Variants in KCNIP4 observed in about 807,000 individuals in gnomAD.
The protein encoded by KCNIP4 is Kv channel-interacting protein 4.
KCNIP4 carries 12 observed loss-of-function variants against 34.0 expected under a neutral mutation model. The observed-to-expected ratio is 0.35, with a 90% CI of 0.23 to 0.57. The LOEUF (loss-of-function observed/expected upper bound fraction) is 0.57, where lower values mean the gene tolerates loss of function less well. KCNIP4 is among the 20% of genes least tolerant of loss of function. KCNIP4 has a pLI of 0.83. For missense variants in KCNIP4, 238 were observed against 311.7 expected (o/e 0.76, Z 1.78); for synonymous variants, 124 against 102.2 (o/e 1.21, Z -1.29).
chr4:20,936,702 G>A (rs2149610696), intron 1 of KCNIP4, among the ~76,000 whole-genome samples: 1 of 151,630 alleles, frequency 6.6e-6, no homozygotes, highest in South Asian at 2.1e-4. Flanking sequence ...TCTGTATCCT[G>A]AGCTCATCCA....
intron 1 of KCNIP4, among the ~76,000 whole-genome samples, chr4:21,044,472 C>T (rs548423088): frequency 2.6e-5 from 4 of 152,096 alleles, no homozygotes; most frequent in East Asian, 1.9e-4. Flanking sequence ...CCACCATGCC[C>T]GGCTAATTTT....
chr4:21,618,538 T>C (rs1473321210), intron 1 of KCNIP4, among the ~76,000 whole-genome samples: 2 of 151,652 alleles, frequency 1.3e-5, no homozygotes, highest in African/African-American at 2.4e-5. Flanking sequence ...GCATTCTCTC[T>C]TTCTCCTTCT....
intron 1 of KCNIP4, among the ~76,000 whole-genome samples, chr4:21,765,442 A>C (rs1481941135): frequency 1.3e-5 from 2 of 152,106 alleles, no homozygotes; most frequent in East Asian, 3.9e-4. Flanking sequence ...GTTGCTTAAC[A>C]AAAACTGTTT....
chr4:20,863,077 A>G (rs1722384293), intron 2 of KCNIP4, among the ~76,000 whole-genome samples: 1 of 152,116 alleles, frequency 6.6e-6, no homozygotes, highest in Non-Finnish European at 1.5e-5. Flanking sequence ...GACAGAGCCA[A>G]TTTATCAAGA....
intron 1 of KCNIP4, among the ~76,000 whole-genome samples, chr4:21,145,473 G>A (rs1277054333): frequency 6.6e-6 from 1 of 152,134 alleles, no homozygotes; most frequent in Non-Finnish European, 1.5e-5. Flanking sequence ...ACTGACCTAT[G>A]AATTACAAAT....
At chr4:21,048,530 T>C (rs1296680341) in intron 1 of KCNIP4, among the ~76,000 whole-genome samples, 1 of 152,152 alleles carries the variant, frequency 6.6e-6, no homozygotes, top group East Asian at 1.9e-4. Context: ...CTCTCCCCTC[T>C]CTCCCTTCAC....
intron 1 of KCNIP4, among the ~76,000 whole-genome samples, chr4:21,929,371 G>A (rs187896972): frequency 6.6e-6 from 1 of 152,186 alleles, no homozygotes; most frequent in East Asian, 1.9e-4. Context: ...CTAGCAATTT[G>A]GGGCAGGAAT....
In KCNIP4 at chr4:21,925,844, A is replaced by G. The variant is rs550150946; in HGVS notation, c.61+22727T>C. 3.0e-4 allele frequency among the ~76,000 whole-genome samples: 45 copies of G among 152,280 alleles called. 1 individual carries two copies. The highest frequency in any genetic ancestry group is 2.9e-3 in the Admixed American group (44 of 15,284). On this transcript the variant is annotated intron_variant, in intron 1 of 8. Coordinates refer to ENST00000382152, the MANE Select transcript of KCNIP4 (RefSeq NM_025221.6). The stretch of plus-strand genomic sequence containing the variant: ...AATTCCAGTGTCTGGCATATAATTC[A>G]TACTCAAGAAATTTGTTGAATTAAT...
chr4:21,241,241 A>C (rs988473437), intron 1 of KCNIP4, among the ~76,000 whole-genome samples: 4 of 152,230 alleles, frequency 2.6e-5, no homozygotes, highest in African/African-American at 7.2e-5. Flanking sequence ...ATATAATCAA[A>C]AATTAATAGT....
At chr4:20,883,869 C>T (rs1453180879) in intron 1 of KCNIP4, among the ~76,000 whole-genome samples, 2 of 152,094 alleles carry the variant, frequency 1.3e-5, no homozygotes, top group Non-Finnish European at 2.9e-5. Flanking sequence ...TAAGATCATT[C>T]CTCTGATTAA....
In KCNIP4 at chr4:20,883,315, C is replaced by T. The variant is rs528082612; in HGVS notation, c.62-606G>A. Among the ~76,000 whole-genome samples the T allele has an allele frequency of 1.5e-3, 221 of 152,072 alleles. 1 individual carries two copies. Among genetic ancestry groups the T allele is most frequent in the African/African-American group, 5.0e-3 (209 of 41,462 alleles). ...ATCTTTCCCATTTTTTACATGTGGA[C>T]GCTAATGAATGGAACTTTTTCAAAC... On this transcript the variant is annotated intron_variant, in intron 1 of 8. Transcript: ENST00000382152.
At chr4:20,982,276 G>A (rs1736136479) in intron 1 of KCNIP4, among the ~76,000 whole-genome samples, 1 of 152,126 alleles carries the variant, frequency 6.6e-6, no homozygotes, top group Non-Finnish European at 1.5e-5. Context: ...CTGAAGTTGG[G>A]GGCTGTGGCT....
At chr4:21,256,280 G>T (rs1426120380) in intron 1 of KCNIP4, among the ~76,000 whole-genome samples, 1 of 152,110 alleles carries the variant, frequency 6.6e-6, no homozygotes, top group Non-Finnish European at 1.5e-5. Flanking sequence ...GGAAGCCAAA[G>T]GAGCTTTCTG....
chr4:21,662,044 T>C (rs1282964893), intron 1 of KCNIP4, among the ~76,000 whole-genome samples: 2 of 152,142 alleles, frequency 1.3e-5, no homozygotes, highest in African/African-American at 4.8e-5. Context: ...CAAAGTGCCT[T>C]TTCAGAAAGG....
At chr4:21,219,768 C>T (rs2108996692) in intron 1 of KCNIP4, among the ~76,000 whole-genome samples, 1 of 151,552 alleles carries the variant, frequency 6.6e-6, no homozygotes, top group East Asian at 1.9e-4. Flanking sequence ...TACTTTGAAA[C>T]ATATAAGCAC....
chr4:21,698,845 T>G (rs918310790), intron 1 of KCNIP4, among the ~76,000 whole-genome samples: 10 of 152,130 alleles, frequency 6.6e-5, no homozygotes, highest in Admixed American at 1.3e-4. Flanking sequence ...AAGAAAGAAC[T>G]CCTGGACTCA....
At chr4:20,819,200 T>C (rs1716799712) in intron 3 of KCNIP4, among the ~76,000 whole-genome samples, 1 of 152,090 alleles carries the variant, frequency 6.6e-6, no homozygotes, top group East Asian at 1.9e-4. Context: ...ACTTATGATA[T>C]ACACAAACAC....
intron 2 of KCNIP4, among the ~76,000 whole-genome samples, chr4:20,851,774 C>G (rs1372127728): frequency 6.6e-6 from 1 of 152,132 alleles, no homozygotes; most frequent in East Asian, 1.9e-4. Context: ...ATATAACAAC[C>G]ACTAGTTATA....
At chr4:21,084,834 G>C (rs1330660534) in intron 1 of KCNIP4, among the ~76,000 whole-genome samples, 1 of 151,228 alleles carries the variant, frequency 6.6e-6, no homozygotes, top group Admixed American at 6.6e-5. Flanking sequence ...TTTTCTTGAA[G>C]CCTTATCCAA....
Sources: allele counts gnomAD v4.1 joint callset (sites outside exome capture counted in the v4.1 genomes callset), GRCh38; gene constraint gnomAD v4.1.1; transcripts MANE v1.5; gene names NCBI Gene and HGNC (gene_info 2026-07-23, HGNC 2026-07-21).